Variants in PREP observed in about 807,000 individuals in gnomAD.
The protein encoded by PREP is dJ355L5.1 (prolyl endopeptidase).
In PREP, 29 loss-of-function variants were observed where a neutral mutation model predicts 87.6. The ratio of observed to expected loss-of-function variants is 0.33; its 90% CI spans 0.25 to 0.45. The LOEUF is 0.45. Ranked by LOEUF, PREP falls within the 20% of genes least tolerant of loss-of-function variation. PREP has a pLI of 1.00. For missense variants in PREP, 695 were observed against 886.5 expected (o/e 0.78, Z 2.74); for synonymous variants, 337 against 328.6 (o/e 1.03, Z -0.28).
At chr6:105,320,351 T>C (rs977159068) in intron 10 of PREP, among the ~76,000 whole-genome samples, 1 of 152,222 alleles carries the variant, frequency 6.6e-6, no homozygotes, top group African/African-American at 2.4e-5. Context: ...CCCACAGCTA[T>C]AATCAGGAAT....
intron 2 of PREP, among the ~76,000 whole-genome samples, chr6:105,378,599 G>A: frequency 6.6e-6 from 1 of 152,204 alleles, no homozygotes; most frequent in East Asian, 1.9e-4. Flanking sequence ...TACAAAAGAT[G>A]AGTTGTATCC....
rs184036177 is a variant in PREP at position 105,284,256 on chromosome 6, G to A, written c.1549+1230C>T. ...ACTGGCAACGATGGACCAGATGGCCGGCCAGGGGCACTCACTTTCACTAAG... is the reference window on the plus strand; with the variant it reads ...ACTGGCAACGATGGACCAGATGGCCAGCCAGGGGCACTCACTTTCACTAAG... On this transcript the variant is annotated intron_variant, in intron 12 of 14. Coordinates refer to ENST00000652536, the MANE Select transcript of PREP (RefSeq NM_002726.5). 2.1e-4 allele frequency among the ~76,000 whole-genome samples: 32 copies of A among 152,200 alleles called. 1 individual carries two copies. In the East Asian group the frequency reaches 4.5e-3, roughly 21 times the overall value.
intron 10 of PREP, among the ~76,000 whole-genome samples, chr6:105,309,781 A>C (rs921502966): frequency 6.6e-6 from 1 of 152,254 alleles, no homozygotes; most frequent in African/African-American, 2.4e-5. Flanking sequence ...TTGAAGGCCA[A>C]TCCTTCTTCT....
At chr6:105,326,186 T>A (rs6571228) in intron 9 of PREP, among the ~76,000 whole-genome samples, 1 of 151,908 alleles carries the variant, frequency 6.6e-6, no homozygotes, top group Middle Eastern at 3.4e-3. Flanking sequence ...CCGTGAAAGG[T>A]TTTTCTATGA....
intron 10 of PREP, among the ~76,000 whole-genome samples, chr6:105,314,278 GGGGTT>G (rs1335003007): frequency 1.3e-5 from 2 of 152,190 alleles, no homozygotes; most frequent in Non-Finnish European, 2.9e-5. Context: ...GCTGAAGGAT[GGGGTT>G]GCTGTGGCAA....
chr6:105,303,154 T>A (rs1418987543), intron 10 of PREP, among the ~76,000 whole-genome samples: 1 of 149,926 alleles, frequency 6.7e-6, no homozygotes, highest in African/African-American at 2.5e-5. Context: ...TATGTATGTA[T>A]GTAAAGCAAT....
intron 4 of PREP, among the ~76,000 whole-genome samples, chr6:105,374,930 T>C (rs1429535832): frequency 6.6e-6 from 1 of 151,904 alleles, no homozygotes; most frequent in Non-Finnish European, 1.5e-5. Flanking sequence ...AAGAATGCAT[T>C]ATCGGGGTGG....
At chr6:105,342,413 C>T (rs1278272473) in intron 7 of PREP, among the ~76,000 whole-genome samples, 2 of 152,134 alleles carry the variant, frequency 1.3e-5, no homozygotes, top group Non-Finnish European at 2.9e-5. Context: ...ATGACAAATC[C>T]ACAACCAATA....
intron 12 of PREP, among the ~76,000 whole-genome samples, chr6:105,284,002 A>G (rs546392819): frequency 1.3e-5 from 2 of 152,324 alleles, no homozygotes; most frequent in East Asian, 3.9e-4. Flanking sequence ...TGGTGCATAA[A>G]CTACATACAA....
At chr6:105,321,126 G>A (rs1440702295) in intron 10 of PREP, among the ~76,000 whole-genome samples, 2 of 152,146 alleles carry the variant, frequency 1.3e-5, no homozygotes, top group Admixed American at 1.3e-4. Context: ...ACAGTACTAC[G>A]TGTATGAGGT....
At chr6:105,336,388 T>C (rs1286814434) in intron 7 of PREP, among the ~76,000 whole-genome samples, 1 of 152,244 alleles carries the variant, frequency 6.6e-6, no homozygotes, top group Non-Finnish European at 1.5e-5. Flanking sequence ...ATCTTCTATA[T>C]ATTTACTGAT....
intron 7 of PREP, among the ~76,000 whole-genome samples, chr6:105,351,680 C>T (rs1396776059): frequency 6.6e-6 from 1 of 152,088 alleles, no homozygotes; most frequent in East Asian, 1.9e-4. Context: ...ATAACAGCAC[C>T]ATAATGTCTG....
At chr6:105,397,456 A>T (rs1386140188) in intron 2 of PREP, among the ~76,000 whole-genome samples, 1 of 152,202 alleles carries the variant, frequency 6.6e-6, no homozygotes, top group African/African-American at 2.4e-5. Flanking sequence ...AGTTTTCATG[A>T]CCTAATATTC....
chr6:105,341,909 A>G lies in PREP; in HGVS notation c.824-8404T>C, dbSNP rs9500084. Among the ~76,000 whole-genome samples the G allele has an allele frequency of 7.2e-3, 1,090 of 152,268 alleles. 16 individuals carry two copies. Among genetic ancestry groups the G allele is most frequent in the African/African-American group, 0.025 (1,050 of 41,560 alleles). The stretch of plus-strand genomic sequence containing the variant: ...GAGGCAATAATAGCCTGCCAACCAA[A>G]ACAGTCCAGGTCCAGATGGACTCAC... On this transcript the variant is annotated intron_variant, in intron 7 of 14. Transcript: ENST00000652536.
intron 1 of PREP, among the ~76,000 whole-genome samples, chr6:105,398,202 A>G (rs954378258): frequency 2.6e-5 from 4 of 151,784 alleles, no homozygotes; most frequent in African/African-American, 7.2e-5. Context: ...CAAAACAAAG[A>G]CCTGCCACTG....
chr6:105,344,726 G>A (rs1771753735), intron 7 of PREP, among the ~76,000 whole-genome samples: 1 of 152,170 alleles, frequency 6.6e-6, no homozygotes, highest in Non-Finnish European at 1.5e-5. Context: ...TACACCTAAT[G>A]TAAATGACGA....
chr6:105,366,061 C>T (rs1184644242), intron 6 of PREP, among the ~76,000 whole-genome samples: 2 of 152,154 alleles, frequency 1.3e-5, no homozygotes, highest in East Asian at 3.9e-4. Flanking sequence ...TTGAGACCAG[C>T]CTGGCCAACA....
At position 105,373,482 on chromosome 6, in the gene PREP, G is replaced by A; in HGVS notation, c.482C>T (p.Ala161Val). ...TTCAAGCACATCTGGAAGCTCTTTG[G>A]CACCATCAACTTTCATGAACTTGAT... ...VTIKFMKVDG[A>V]KELPDVLERV... Residue 161 changes from alanine to valine, a missense_variant, in exon 5 of 15, where the codon GCC (alanine) becomes GTC (valine). Transcript: ENST00000652536. The A allele has an allele frequency of 6.2e-7, 1 of 1,614,126 alleles. No homozygotes were observed.
At chr6:105,300,736 T>C (rs904468972) in intron 10 of PREP, among the ~76,000 whole-genome samples, 3 of 151,960 alleles carry the variant, frequency 2.0e-5, no homozygotes, top group Admixed American at 1.3e-4. Context: ...GCATCACCAA[T>C]GATAAAGCAG....
Sources: allele counts gnomAD v4.1 joint callset (sites outside exome capture counted in the v4.1 genomes callset), GRCh38; gene constraint gnomAD v4.1.1; transcripts MANE v1.5; gene names NCBI Gene and HGNC (gene_info 2026-07-23, HGNC 2026-07-21).